Variants in SETBP1 observed in about 807,000 individuals in gnomAD.
The protein encoded by SETBP1 is SET-binding protein.
In SETBP1, 9 loss-of-function variants were observed where a neutral mutation model predicts 101.0. The ratio of observed to expected loss-of-function variants is 0.09; its 90% CI spans 0.05 to 0.16. The LOEUF is 0.16. Ranked by LOEUF, SETBP1 falls within the 10% of genes least tolerant of loss-of-function variation. The pLI is 1.00. For missense variants in SETBP1, 1,858 were observed against 2,033.8 expected, an observed-to-expected ratio of 0.91 and a Z score of 1.66; for synonymous variants, 818 against 788.5, an observed-to-expected ratio of 1.04 and a Z score of -0.63.
chr18:45,045,762 T>G (rs1000386632), intron 5 of SETBP1, among the ~76,000 whole-genome samples: 3 of 152,096 alleles, frequency 2.0e-5, no homozygotes, highest in African/African-American at 7.3e-5. Flanking sequence ...AGGATCGTGG[T>G]GAATAATAAT....
chr18:44,691,776 A>G (rs1481082508), intron 1 of SETBP1, among the ~76,000 whole-genome samples: 1 of 152,124 alleles, frequency 6.6e-6, no homozygotes, highest in African/African-American at 2.4e-5. Context: ...CCTGGCTTTG[A>G]AGGGCTTCTG....
At chr18:44,726,933 C>A (rs2069720578) in intron 2 of SETBP1, among the ~76,000 whole-genome samples, 1 of 152,102 alleles carries the variant, frequency 6.6e-6, no homozygotes, top group Non-Finnish European at 1.5e-5. Context: ...TTGATCTTAC[C>A]ATCGTGAGGG....
chr18:44,727,527 C>G (rs1377587238), intron 2 of SETBP1, among the ~76,000 whole-genome samples: 1 of 152,092 alleles, frequency 6.6e-6, no homozygotes, highest in Non-Finnish European at 1.5e-5. Context: ...TATGTATGAG[C>G]CCTGTAGTAA....
chr18:44,727,414 A>G lies in SETBP1; in HGVS notation c.486+25582A>G, dbSNP rs75080888. Among the ~76,000 whole-genome samples, 281 of 152,314 alleles carry G rather than the reference A, an allele frequency of 1.8e-3. 1 individual carries two copies. Among genetic ancestry groups the G allele is most frequent in the African/African-American group, 6.3e-3 (261 of 41,556 alleles). On this transcript the variant is annotated intron_variant, in intron 2 of 5. Transcript: ENST00000649279. The stretch of plus-strand genomic sequence containing the variant: ...ATCTTCCTGTGGTTCACAAAGACGC[A>G]TTCAGATGACATTCTAAACTTGCTG...
At chr18:44,834,503 A>G (rs1296720477) in intron 2 of SETBP1, among the ~76,000 whole-genome samples, 3 of 152,118 alleles carry the variant, frequency 2.0e-5, no homozygotes, top group African/African-American at 7.2e-5. Flanking sequence ...GTATATGTGG[A>G]TGGGTAGAAG....
chr18:45,025,549 C>T (rs1213033214), intron 4 of SETBP1, among the ~76,000 whole-genome samples: 2 of 152,020 alleles, frequency 1.3e-5, no homozygotes, highest in Non-Finnish European at 2.9e-5. Flanking sequence ...TTTTCTAGCA[C>T]ACATTCTGTA....
At chr18:44,742,868 T>C (rs539499541) in intron 2 of SETBP1, among the ~76,000 whole-genome samples, 10 of 152,126 alleles carry the variant, frequency 6.6e-5, no homozygotes, top group African/African-American at 2.4e-4. Flanking sequence ...TACTGCTCCA[T>C]CCGGGACTCT....
chr18:44,721,385 C>T (rs2069592184), intron 2 of SETBP1, among the ~76,000 whole-genome samples: 1 of 152,144 alleles, frequency 6.6e-6, no homozygotes, highest in African/African-American at 2.4e-5. Context: ...TCCTTTGCTG[C>T]ATAAAGCCAA....
chr18:44,721,806 G>C (rs567277865), intron 2 of SETBP1, among the ~76,000 whole-genome samples: 2 of 152,312 alleles, frequency 1.3e-5, no homozygotes, highest in South Asian at 4.1e-4. Context: ...GAAGGTGGGG[G>C]AAGAGGGCAA....
chr18:44,693,822 A>G (rs1471170625), intron 1 of SETBP1, among the ~76,000 whole-genome samples: 1 of 152,246 alleles, frequency 6.6e-6, no homozygotes, highest in Admixed American at 6.5e-5. Context: ...GCAGGCAGTC[A>G]TCAAGTCTAC....
intron 2 of SETBP1, among the ~76,000 whole-genome samples, chr18:44,846,393 A>G (rs1418025346): frequency 6.6e-6 from 1 of 152,130 alleles, no homozygotes; most frequent in East Asian, 1.9e-4. Flanking sequence ...AACCCCCCAA[A>G]AGAAACTCAT....
intron 3 of SETBP1, among the ~76,000 whole-genome samples, chr18:44,922,269 T>C (rs1181839010): frequency 6.6e-6 from 1 of 152,206 alleles, no homozygotes; most frequent in Non-Finnish European, 1.5e-5. Context: ...TCATTTTATA[T>C]ATAGGCAAAT....
chr18:45,028,566 G>C (rs1404868333), intron 4 of SETBP1, among the ~76,000 whole-genome samples: 1 of 152,132 alleles, frequency 6.6e-6, no homozygotes, highest in Non-Finnish European at 1.5e-5. Flanking sequence ...TCTAGTTCTA[G>C]ATCCCCGAGG....
At chr18:45,021,345 G>C (rs10502846) in intron 4 of SETBP1, among the ~76,000 whole-genome samples, 6,903 of 152,216 alleles carry the variant, frequency 0.045, 177 homozygotes, top group South Asian at 0.095. Context: ...GCATGTGCTT[G>C]TTTAGGAACT....
intron 4 of SETBP1, among the ~76,000 whole-genome samples, chr18:44,977,164 T>A (rs565722033): frequency 6.6e-6 from 1 of 152,216 alleles, no homozygotes; most frequent in East Asian, 1.9e-4. Flanking sequence ...TTTCCTTCTG[T>A]ACTCACCAGA....
At chr18:44,986,802 G>C (rs758561259) in intron 4 of SETBP1, 2 of 151,956 alleles carry the variant, frequency 1.3e-5, no homozygotes, top group Non-Finnish European at 2.9e-5. Context: ...TAATAACAAT[G>C]CCTTGCTTAT....
intron 4 of SETBP1, among the ~76,000 whole-genome samples, chr18:44,993,238 A>G (rs780782089): frequency 3.3e-5 from 5 of 152,082 alleles, no homozygotes; most frequent in African/African-American, 4.8e-5. Context: ...TCTCTTTACT[A>G]TCAGAAACAA....
chr18:44,743,885 G>T (rs1428442086), intron 2 of SETBP1, among the ~76,000 whole-genome samples: 1 of 152,222 alleles, frequency 6.6e-6, no homozygotes, highest in African/African-American at 2.4e-5. Context: ...AGATGTCACT[G>T]AATGGCCCTC....
At chr18:44,973,289 T>A (rs1475177279) in intron 4 of SETBP1, among the ~76,000 whole-genome samples, 2 of 152,262 alleles carry the variant, frequency 1.3e-5, no homozygotes, top group East Asian at 3.8e-4. Flanking sequence ...CAATATTTTA[T>A]TGAGGATTTT....
Sources: allele counts gnomAD v4.1 joint callset (sites outside exome capture counted in the v4.1 genomes callset), GRCh38; gene constraint gnomAD v4.1.1; transcripts MANE v1.5; gene names NCBI Gene and HGNC (gene_info 2026-07-23, HGNC 2026-07-21).